FER: variants seen among roughly 807,000 people sequenced by gnomAD.
The protein encoded by FER is FER tyrosine kinase.
FER carries 63 observed loss-of-function variants against 111.0 expected under a neutral mutation model. That is an observed-to-expected ratio of 0.57 (90% CI 0.46 to 0.70). The LOEUF (loss-of-function observed/expected upper bound fraction) is 0.70. FER is among the 30% of genes least tolerant of loss of function. The pLI, the probability that FER is intolerant of heterozygous loss-of-function variation, is 0.00. For synonymous variants in FER, 327 were observed against 313.9 expected, an observed-to-expected ratio of 1.04 and a Z score of -0.44; for missense variants, 914 against 954.0, an observed-to-expected ratio of 0.96 and a Z score of 0.55.
At chr5:108,749,335 C>A (rs1238411020) in intron 1 of FER, among the ~76,000 whole-genome samples, 1 of 151,804 alleles carries the variant, frequency 6.6e-6, no homozygotes, top group African/African-American at 2.4e-5. Flanking sequence ...GGGCGGGTGC[C>A]GGCGCGAAAG....
intron 17 of FER, among the ~76,000 whole-genome samples, chr5:109,160,084 T>C (rs887379578): frequency 1.3e-5 from 2 of 152,188 alleles, no homozygotes; most frequent in Admixed American, 1.3e-4. Flanking sequence ...TAGTGAAAGA[T>C]TGGAATGTCA....
At chr5:109,031,703 A>G (rs901453586) in intron 13 of FER, among the ~76,000 whole-genome samples, 12 of 152,250 alleles carry the variant, frequency 7.9e-5, no homozygotes, top group African/African-American at 2.4e-4. Flanking sequence ...ACTTCTTTCT[A>G]TGCTTTTGCC....
At chr5:109,014,512 G>A (rs199547898) in intron 13 of FER, among the ~76,000 whole-genome samples, 7,052 of 152,098 alleles carry the variant, frequency 0.046, 252 homozygotes, top group South Asian at 0.11. Flanking sequence ...AAGTCAGGTA[G>A]CGTGATGCCT....
chr5:108,988,906 T>C (rs986884678), intron 13 of FER, among the ~76,000 whole-genome samples: 2 of 152,160 alleles, frequency 1.3e-5, no homozygotes, highest in African/African-American at 4.8e-5. Context: ...CTTTCAGACT[T>C]TTTGATGTAG....
At chr5:109,102,282 T>A (rs929383016) in intron 17 of FER, among the ~76,000 whole-genome samples, 1 of 152,156 alleles carries the variant, frequency 6.6e-6, no homozygotes, top group African/African-American at 2.4e-5. Context: ...CCACATATCC[T>A]AGCAGGTTGT....
At chr5:108,792,361 C>T (rs551485324) in intron 2 of FER, among the ~76,000 whole-genome samples, 6 of 152,046 alleles carry the variant, frequency 3.9e-5, no homozygotes, top group East Asian at 1.9e-4. Context: ...TTTTTTGAGA[C>T]GGAGTTTTGC....
intron 16 of FER, among the ~76,000 whole-genome samples, chr5:109,078,576 G>A (rs181310809): frequency 6.6e-6 from 1 of 152,076 alleles, no homozygotes; most frequent in African/African-American, 2.4e-5. Flanking sequence ...GATTGGGTCT[G>A]TTTACTGACT....
intron 3 of FER, among the ~76,000 whole-genome samples, chr5:108,800,477 G>A (rs904869561): frequency 4.0e-5 from 6 of 151,850 alleles, no homozygotes; most frequent in African/African-American, 1.5e-4. Flanking sequence ...CAGCTTTCTA[G>A]GGAGCTGGGA....
At chr5:108,851,860 T>G (rs1762573851) in intron 5 of FER, among the ~76,000 whole-genome samples, 1 of 152,314 alleles carries the variant, frequency 6.6e-6, no homozygotes, top group Non-Finnish European at 1.5e-5. Flanking sequence ...AGGCTTTCTC[T>G]TACATGAGTA....
At chr5:109,161,357 C>T (rs1755972078) in intron 17 of FER, among the ~76,000 whole-genome samples, 1 of 151,982 alleles carries the variant, frequency 6.6e-6, no homozygotes, top group Admixed American at 6.6e-5. Flanking sequence ...TTTTGTCACC[C>T]AGGTATTAAG....
rs1160042033 is a variant in FER, at chr5:109,192,334, A to G, written c.*4759A>G. ...AGTGTCATTAGGAAGCCTGAGGAGA[A>G]CATGCTACAAGGCCAGATCCTGTCC... On this transcript the variant is annotated 3_prime_UTR_variant, in exon 20 of 20. Coordinates refer to ENST00000281092, the MANE Select transcript of FER (RefSeq NM_005246.4). 3 of 152,196 alleles carry G rather than the reference A, an allele frequency of 2.0e-5. No individual in the cohort carries two copies. Among genetic ancestry groups the G allele is most frequent in the Admixed American group, 1.3e-4 (2 of 15,258 alleles). 9.4% of individuals were successfully genotyped at this position (152,196 alleles called of 1,614,324 possible).
intron 3 of FER, 127 bp downstream of exon 3, chr5:108,798,516 GAGT>G: frequency 1.2e-6 from 1 of 801,760 alleles, no homozygotes; most frequent in Non-Finnish European, 2.0e-6. Flanking sequence ...CAGTTTTACA[GAGT>G]ATGAAAATCT....
intron 18 of FER, among the ~76,000 whole-genome samples, chr5:109,184,104 T>C (rs1758593365): frequency 6.6e-6 from 1 of 152,180 alleles, no homozygotes; most frequent in Admixed American, 6.5e-5. Flanking sequence ...AAGGGGAAAA[T>C]AGAATACTGA....
chr5:108,759,901 A>G (rs574862293), intron 1 of FER, among the ~76,000 whole-genome samples: 3 of 152,250 alleles, frequency 2.0e-5, no homozygotes, highest in Admixed American at 6.5e-5. Flanking sequence ...CATTCAAACT[A>G]TAGCAACTGG....
In FER at chr5:108,993,570, G is replaced by GGGGAGAGGGAGA. The variant is rs372340070; in HGVS notation, c.1656+34239_1656+34250dup. Among the ~76,000 whole-genome samples, 898 of 144,596 alleles carry GGGGAGAGGGAGA rather than the reference G, an allele frequency of 6.2e-3. 8 individuals carry two copies. The highest frequency in any genetic ancestry group is 0.023 in the African/African-American group (869 of 38,028). 94.9% of individuals were successfully genotyped at this position (144,596 alleles called of 152,430 possible). A position where few individuals can be genotyped will look rare whatever the true frequency, so the allele number is the denominator to read the frequency against. ...GAGACTGTGGGGAGAGGGAGACCGT[G>GGGGAGAGGGAGA]GGGAGAGGGAGAGGGAGAGGGAGAG... On this transcript the variant is annotated intron_variant, in intron 13 of 19. Coordinates refer to ENST00000281092, the MANE Select transcript of FER (RefSeq NM_005246.4).
intron 17 of FER, among the ~76,000 whole-genome samples, chr5:109,112,554 G>A (rs981173023): frequency 2.0e-5 from 3 of 152,086 alleles, no homozygotes; most frequent in East Asian, 1.9e-4. Context: ...ATGCCCGGAG[G>A]TTTTGGCTGC....
intron 3 of FER, among the ~76,000 whole-genome samples, chr5:108,818,683 T>C (rs532677179): frequency 6.6e-6 from 1 of 152,264 alleles, no homozygotes; most frequent in African/African-American, 2.4e-5. Flanking sequence ...TTAGATAAGA[T>C]GATAATTTTA....
chr5:109,173,808 A>G (rs1757407006), intron 17 of FER, among the ~76,000 whole-genome samples: 1 of 146,496 alleles, frequency 6.8e-6, no homozygotes, highest in African/African-American at 2.5e-5. Context: ...CTTTAAGTAA[A>G]TGGGAAGACT....
At position 108,991,253 on chromosome 5, in the gene FER, G is replaced by C. The variant is rs529371628; in HGVS notation, c.1656+31906G>C. ...TATGGGTGTGTGTGTATTTCAGCTG[G>C]CTTCTGGATTCTGGATAATGCAATT... On this transcript the variant is annotated intron_variant, in intron 13 of 19. Coordinates refer to ENST00000281092, the MANE Select transcript of FER (RefSeq NM_005246.4). 1.2e-3 allele frequency among the ~76,000 whole-genome samples: 175 copies of C among 151,866 alleles called. 1 individual carries two copies. Among genetic ancestry groups the C allele is most frequent in the African/African-American group, 4.1e-3 (171 of 41,482 alleles).
Sources: allele counts gnomAD v4.1 joint callset (sites outside exome capture counted in the v4.1 genomes callset), GRCh38; gene constraint gnomAD v4.1.1; transcripts MANE v1.5; gene names NCBI Gene and HGNC (gene_info 2026-07-23, HGNC 2026-07-21).